ZNF697: variants seen among roughly 807,000 people sequenced by gnomAD.
ZNF697 encodes the protein zinc finger protein 697.
A neutral mutation model predicts 32.4 loss-of-function variants in ZNF697; 23 were observed. The ratio of observed to expected loss-of-function variants is 0.71; its 90% CI spans 0.51 to 1.01. The LOEUF is 1.01. ZNF697 is among the 50% of genes least tolerant of loss of function. The probability of loss-of-function intolerance (pLI) is 0.00; values close to 1 mark genes in which losing one functional copy is unlikely to be tolerated. For missense variants in ZNF697, 930 were observed against 794.0 expected, an observed-to-expected ratio of 1.17 and a Z score of -2.06; for synonymous variants, 418 against 337.2, an observed-to-expected ratio of 1.24 and a Z score of -2.62.
At chr1:119,639,407 A>G (rs190637282) in intron 1 of ZNF697, among the ~76,000 whole-genome samples, 19 of 152,232 alleles carry the variant, frequency 1.2e-4, no homozygotes, top group Admixed American at 9.8e-4. Flanking sequence ...GTCATTAACA[A>G]TGTAGCCTAA....
At chr1:119,636,576 C>T (rs1450780166) in intron 1 of ZNF697, among the ~76,000 whole-genome samples, 1 of 152,094 alleles carries the variant, frequency 6.6e-6, no homozygotes, top group Non-Finnish European at 1.5e-5. Flanking sequence ...AAATTTCAAA[C>T]ACATATGGAG....
rs1485055668 is a variant in ZNF697, at chr1:119,623,138, A to G, written c.1205T>C (p.Val402Ala). 11 of 1,589,278 alleles carry G rather than the reference A, an allele frequency of 6.9e-6. No individual in the cohort carries two copies. In the African/African-American group the frequency reaches 1.4e-4, roughly 20 times the overall value. ...WRSDLVKHQR[V>A]HTGEKPYMCS... Reference sequence around the variant, plus strand: ...CATGTAGGGCTTCTCGCCCGTGTGCACGCGCTGGTGCTTCACCAAGTCCGA... The same window carrying G: ...CATGTAGGGCTTCTCGCCCGTGTGCGCGCGCTGGTGCTTCACCAAGTCCGA... Residue 402 changes from valine to alanine, a missense_variant, in exon 3 of 3, where the codon GTG becomes GCG. Transcript: ENST00000421812.
chr1:119,628,960 T>C (rs1490723468), intron 1 of ZNF697, among the ~76,000 whole-genome samples: 2 of 152,262 alleles, frequency 1.3e-5, no homozygotes, highest in Non-Finnish European at 2.9e-5. Flanking sequence ...TTGGGGGCTT[T>C]GCAGCTCTTA....
In ZNF697 at chr1:119,623,703, C is replaced by A; in HGVS notation, c.640G>T (p.Ala214Ser). 1 of 1,534,100 alleles carries A rather than the reference C, an allele frequency of 6.5e-7. No homozygotes were observed. Among genetic ancestry groups the A allele is most frequent in the Non-Finnish European group, 8.7e-7 (1 of 1,145,722 alleles). The change falls in exon 3 of 3, where the codon GCT becomes TCT. Residue 214 changes from alanine to serine, a missense_variant. Coordinates refer to ENST00000421812, the MANE Select transcript of ZNF697 (RefSeq NM_001080470.2). ...FLQHQRIHRL[A>S]EAAAAASLEP... is the part of the protein sequence containing the mutation. ...AGGCTGGCGGCGGCAGCGGCCTCAGCCAGGCGGTGAATGCGCTGGTGCTGC... is the reference window on the plus strand; with the variant it reads ...AGGCTGGCGGCGGCAGCGGCCTCAGACAGGCGGTGAATGCGCTGGTGCTGC...
intron 1 of ZNF697, among the ~76,000 whole-genome samples, chr1:119,636,943 C>T (rs149152789): frequency 2.6e-5 from 4 of 152,174 alleles, no homozygotes; most frequent in Non-Finnish European, 5.9e-5. Flanking sequence ...CACCCTGCCT[C>T]TCTTGGACGT....
Position 119,624,094 on chromosome 1 carries a change from T to G in ZNF697, c.249A>C (p.Glu83Asp), listed in dbSNP as rs757105255. The change falls in exon 3 of 3, where the codon GAA (glutamate) becomes GAC (aspartate). Residue 83 changes from glutamate to aspartate, a missense_variant. Glu to Asp is a conservative substitution (Grantham distance 45, BLOSUM62 2). Coordinates refer to ENST00000421812, the MANE Select transcript of ZNF697 (RefSeq NM_001080470.2). Reference protein sequence around the residue: ...ICTEGQLSEEEGVSVRGEEDD... With the variant: ...ICTEGQLSEEDGVSVRGEEDD... ...CCTCTTCCCCACGGACAGAAACGCC[T>G]TCTTCCTCACTCAGCTGCCCCTCTG... 1.3e-5 allele frequency: 21 copies of G among 1,585,234 alleles called. No homozygotes were observed. Among genetic ancestry groups the G allele is most frequent in the South Asian group, 2.3e-5 (2 of 87,202 alleles).
intron 1 of ZNF697, 102 bp downstream of exon 1, chr1:119,647,588 GC>G (rs1215466979): frequency 6.6e-6 from 1 of 152,584 alleles, no homozygotes; most frequent in Non-Finnish European, 1.5e-5. Flanking sequence ...CCTTCTCGGA[GC>G]CCCCCACCCT....
At chr1:119,625,836 C>G (rs1223816046) in intron 2 of ZNF697, 39 bp downstream of exon 2, 1 of 1,607,110 alleles carries the variant, frequency 6.2e-7, no homozygotes, top group Non-Finnish European at 8.5e-7. Flanking sequence ...GTAAGTGTAA[C>G]TTTGGCAACT....
In ZNF697 at chr1:119,623,951, TCCTCCAGCC is replaced by T; in HGVS notation, c.383_391del (p.Arg128_Glu131delinsGln). 6.2e-7 allele frequency: 1 copy of T among 1,601,152 alleles called. No individual in the cohort carries two copies. The highest frequency in any genetic ancestry group is 8.5e-7 in the Non-Finnish European group (1 of 1,174,152). On this transcript the variant is annotated inframe_deletion, in exon 3 of 3. Coordinates refer to ENST00000421812, the MANE Select transcript of ZNF697 (RefSeq NM_001080470.2). The stretch of plus-strand genomic sequence containing the variant: ...GGGAGGGGCCGGCTGCTCCTCTTCC[TCCTCCAGCC>T]GGTTCTCCCCAGCACTCTCGTCGTC...
rs141319757 is a variant in ZNF697 at position 119,636,675 on chromosome 1, G to T, written c.-37-10538C>A. Among the ~76,000 whole-genome samples, 29 of 152,280 alleles carry T rather than the reference G, an allele frequency of 1.9e-4. No individual in the cohort carries two copies. In the South Asian group the frequency reaches 2.9e-3, roughly 15 times the overall value. On this transcript the variant is annotated intron_variant, in intron 1 of 2. Transcript: ENST00000421812. ...CTATTTTACAGATGAGTCAGGCAAT[G>T]GAGACCAAGAAAGGTTAAGTAAATT...
chr1:119,645,283 G>A (rs1012013569), intron 1 of ZNF697, among the ~76,000 whole-genome samples: 2 of 151,946 alleles, frequency 1.3e-5, no homozygotes, highest in African/African-American at 4.8e-5. Flanking sequence ...CTAAAGAAAA[G>A]GCAAGATAAT....
rs1557934976 is a variant in ZNF697 at position 119,624,004 on chromosome 1, G to GGATATGCTGTCA, written c.327_338dup (p.Asp110_Ser113dup). 3 of 1,613,014 alleles carry GGATATGCTGTCA rather than the reference G, an allele frequency of 1.9e-6. No individual in the cohort carries two copies. Among genetic ancestry groups the GGATATGCTGTCA allele is most frequent in the Non-Finnish European group, 2.5e-6 (3 of 1,179,542 alleles). ...CGTCGTCGTCCTCCCGGAGGCTCCG[G>GGATATGCTGTCA]GATATGCTGTCAGACTCAGACAGTC... On this transcript the variant is annotated inframe_insertion, in exon 3 of 3. Transcript: ENST00000421812.
chr1:119,627,644 T>G (rs1246980990), intron 1 of ZNF697, among the ~76,000 whole-genome samples: 1 of 152,166 alleles, frequency 6.6e-6, no homozygotes, highest in African/African-American at 2.4e-5. Flanking sequence ...CATATTAGAC[T>G]CTTTCTGAGA....
At chr1:119,631,236 C>G (rs370379925) in intron 1 of ZNF697, among the ~76,000 whole-genome samples, 3 of 152,376 alleles carry the variant, frequency 2.0e-5, no homozygotes, top group South Asian at 2.1e-4. Flanking sequence ...TGTCACGCGG[C>G]CCCTGGCGTG....
At chr1:119,644,938 C>T (rs889471724) in intron 1 of ZNF697, among the ~76,000 whole-genome samples, 11 of 152,212 alleles carry the variant, frequency 7.2e-5, no homozygotes, top group Non-Finnish European at 1.3e-4. Flanking sequence ...GGACAGTCTT[C>T]GTAGTGCTGC....
intron 1 of ZNF697, among the ~76,000 whole-genome samples, chr1:119,643,375 C>T (rs891108161): frequency 1.3e-5 from 2 of 152,156 alleles, no homozygotes; most frequent in South Asian, 2.1e-4. Flanking sequence ...CTTCTAACAA[C>T]CCATAGCACA....
chr1:119,632,819 G>A (rs587687515), intron 1 of ZNF697, among the ~76,000 whole-genome samples: 7 of 152,260 alleles, frequency 4.6e-5, no homozygotes, highest in South Asian at 2.1e-4. Context: ...AGGTTTTCCC[G>A]TTGGCATTTA....
Position 119,623,642 on chromosome 1 carries a change from A to G in ZNF697, c.701T>C (p.Met234Thr). The G allele has an allele frequency of 1.4e-6, 1 of 712,796 alleles. No individual in the cohort carries two copies. Among genetic ancestry groups the G allele is most frequent in the Non-Finnish European group, 2.1e-6 (1 of 478,992 alleles). The allele number at this position is 712,796 out of a possible 1,614,324, so 44.2% of individuals were successfully genotyped here. The change falls in exon 3 of 3, where the codon ATG becomes ACG. Residue 234 changes from methionine to threonine, a missense_variant. Transcript: ENST00000421812. ...CACACCCACCCCCATCATGCCCACC[A>G]TCGCGTCGCACTCGCCCGCCAGGCC... ...PFGLAGECDA[M>T]VGMMGVGVAG...
chr1:119,622,440 C>A lies in ZNF697; in HGVS notation c.*265G>T, dbSNP rs1307661082. Reference sequence around the variant, plus strand: ...AGTGCCTGGTCCTCCAAGCTCTTCACCCCCTACAGCGTGTATTTAAGGAAG... The same window carrying A: ...AGTGCCTGGTCCTCCAAGCTCTTCAACCCCTACAGCGTGTATTTAAGGAAG... On this transcript the variant is annotated 3_prime_UTR_variant, in exon 3 of 3. Coordinates refer to ENST00000421812, the MANE Select transcript of ZNF697 (RefSeq NM_001080470.2). 1.9e-6 allele frequency: 1 copy of A among 525,352 alleles called. No individual in the cohort carries two copies. Among genetic ancestry groups the A allele is most frequent in the Non-Finnish European group, 3.0e-6 (1 of 329,020 alleles). The allele number at this position is 525,352 out of a possible 1,614,324, so 32.5% of individuals were successfully genotyped here. A position where few individuals can be genotyped will look rare whatever the true frequency, so the allele number is the denominator to read the frequency against.
Sources: gnomAD v4.1 joint callset for allele counts (sites outside exome capture counted in the v4.1 genomes callset) on GRCh38, gnomAD v4.1.1 for gene constraint, MANE v1.5 for transcripts, NCBI Gene and HGNC (gene_info 2026-07-23, HGNC 2026-07-21) for gene names.